SCAPER: variants seen among roughly 807,000 people sequenced by gnomAD.
The protein encoded by SCAPER is S-phase cyclin A associated protein in the ER.
A neutral mutation model predicts 182.2 loss-of-function variants in SCAPER; 98 were observed. The observed-to-expected ratio is 0.54, with a 90% CI of 0.46 to 0.64. The LOEUF is 0.64. Among genes scored for constraint, SCAPER ranks in the 30% least tolerant of loss-of-function variants. The probability of loss-of-function intolerance (pLI) is 0.00; values close to 1 mark genes in which losing one functional copy is unlikely to be tolerated. For synonymous variants in SCAPER, 605 were observed against 564.6 expected (o/e 1.07, Z -1.01); for missense variants, 1,432 against 1,690.0 (o/e 0.85, Z 2.68).
intron 2 of SCAPER, among the ~76,000 whole-genome samples, chr15:76,870,692 TAAAA>T (rs988778746): frequency 2.0e-5 from 3 of 150,472 alleles, no homozygotes; most frequent in Non-Finnish European, 4.4e-5. Flanking sequence ...AATGAAAACA[TAAAA>T]AAAATAGAAA....
At chr15:76,463,491 A>T (rs1424975189) in intron 25 of SCAPER, among the ~76,000 whole-genome samples, 1 of 152,144 alleles carries the variant, frequency 6.6e-6, no homozygotes, top group African/African-American at 2.4e-5. Flanking sequence ...ATTCAACAGT[A>T]TCATATCAAT....
chr15:76,499,626 C>T (rs1465889696), intron 24 of SCAPER, among the ~76,000 whole-genome samples: 1 of 152,160 alleles, frequency 6.6e-6, no homozygotes, highest in African/African-American at 2.4e-5. Flanking sequence ...GATGATGGTA[C>T]AGCAGACGGA....
At chr15:76,817,468 A>G (rs1034353256) in intron 5 of SCAPER, among the ~76,000 whole-genome samples, 12 of 152,176 alleles carry the variant, frequency 7.9e-5, no homozygotes, top group African/African-American at 2.9e-4. Context: ...ACTTCTAATT[A>G]CGTAGGATGA....
At chr15:76,894,877 G>A (rs2074345063) in intron 1 of SCAPER, among the ~76,000 whole-genome samples, 2 of 152,044 alleles carry the variant, frequency 1.3e-5, no homozygotes, top group Admixed American at 6.6e-5. Flanking sequence ...CAAGTAAGAA[G>A]ACTGATTTTT....
chr15:76,755,853 C>G (rs911017976), intron 14 of SCAPER, among the ~76,000 whole-genome samples: 4 of 152,152 alleles, frequency 2.6e-5, no homozygotes, highest in African/African-American at 9.7e-5. Context: ...AGTGAGGTTT[C>G]TGGCCCACAG....
chr15:76,813,274 A>G (rs966063115), intron 5 of SCAPER, among the ~76,000 whole-genome samples: 5 of 148,656 alleles, frequency 3.4e-5, no homozygotes, highest in African/African-American at 1.2e-4. Context: ...CAAAATAGGT[A>G]TAGAAGGAAA....
chr15:76,573,922 C>G (rs915131746), intron 23 of SCAPER, among the ~76,000 whole-genome samples: 11 of 150,972 alleles, frequency 7.3e-5, no homozygotes, highest in Non-Finnish European at 1.3e-4. Context: ...GTGAGGAAAA[C>G]ATGACTGAGG....
At chr15:76,855,905 C>G (rs1051043657) in intron 4 of SCAPER, 25 of 420,246 alleles carry the variant, frequency 5.9e-5, no homozygotes, top group Admixed American at 3.5e-4. Context: ...TTCAACCCAG[C>G]AATCCCATTA....
At chr15:76,481,489 C>T (rs113552766) in intron 24 of SCAPER, among the ~76,000 whole-genome samples, 5,592 of 152,172 alleles carry the variant, frequency 0.037, 145 homozygotes, top group Non-Finnish European at 0.054. Context: ...ACCTCATACA[C>T]GCTGCATATA....
chr15:76,475,166 T>C (rs1001557036), intron 24 of SCAPER, among the ~76,000 whole-genome samples: 5 of 152,224 alleles, frequency 3.3e-5, no homozygotes, highest in Non-Finnish European at 7.3e-5. Flanking sequence ...AAAGAAATAC[T>C]AAAATACTAT....
At position 76,666,721 on chromosome 15, in the gene SCAPER, G is replaced by A. The variant is rs117127675; in HGVS notation, c.2509-932C>T. ...CTCTCTCCTTAAATCTCCAATATCC[G>A]TCATCTCCTAACCCCATCTCTCAGT... On this transcript the variant is annotated intron_variant, in intron 20 of 31. Coordinates refer to ENST00000563290, the MANE Select transcript of SCAPER (RefSeq NM_020843.4). 9.1e-3 allele frequency among the ~76,000 whole-genome samples: 1,385 copies of A among 152,140 alleles called. 9 individuals carry two copies. The highest frequency in any genetic ancestry group is 0.016 in the Non-Finnish European group (1,054 of 67,992).
chr15:76,855,350 C>T (rs1053961294), intron 4 of SCAPER, among the ~76,000 whole-genome samples: 5 of 150,856 alleles, frequency 3.3e-5, no homozygotes, highest in South Asian at 2.1e-4. Flanking sequence ...ATACCATCCT[C>T]GACATAGGAA....
chr15:76,713,619 G>T (rs2059716712), intron 17 of SCAPER, among the ~76,000 whole-genome samples: 3 of 151,920 alleles, frequency 2.0e-5, no homozygotes, highest in South Asian at 4.2e-4. Context: ...TCACACTCTG[G>T]GGACTGTTGT....
chr15:76,765,656 A>C lies in SCAPER; in HGVS notation c.1420-18T>G. The C allele has an allele frequency of 6.4e-7, 1 of 1,553,354 alleles. No homozygotes were observed. Among genetic ancestry groups the C allele is most frequent in the East Asian group, 2.4e-5 (1 of 42,062 alleles). ...ATGCTGGCCTAAAATGTAATAAGGG[A>C]AGTTGAAAATCAAATCTTTGAACAC... On this transcript the variant is annotated intron_variant, in intron 11 of 31. Transcript: ENST00000563290.
intron 15 of SCAPER, among the ~76,000 whole-genome samples, chr15:76,742,061 G>A (rs988193373): frequency 2.0e-5 from 3 of 152,082 alleles, no homozygotes; most frequent in Admixed American, 2.0e-4. Flanking sequence ...TGGTTAGAGA[G>A]TAGAGAGAAA....
chr15:76,372,897 A>G (rs1382946465), intron 29 of SCAPER, among the ~76,000 whole-genome samples: 1 of 152,186 alleles, frequency 6.6e-6, no homozygotes, highest in Admixed American at 6.5e-5. Context: ...TCAGCCATGT[A>G]AAATTAGTCA....
chr15:76,895,183 T>C (rs1595941873), intron 1 of SCAPER, among the ~76,000 whole-genome samples: 1 of 152,178 alleles, frequency 6.6e-6, no homozygotes, highest in Admixed American at 6.5e-5. Flanking sequence ...TCATACACTA[T>C]GATCAGGTAG....
intron 23 of SCAPER, among the ~76,000 whole-genome samples, chr15:76,565,695 C>G (rs574715059): frequency 9.9e-5 from 15 of 152,258 alleles, no homozygotes; most frequent in Admixed American, 7.8e-4. Context: ...CTCCTTCTCT[C>G]AACACCTGCT....
intron 4 of SCAPER, among the ~76,000 whole-genome samples, chr15:76,854,097 T>C (rs1475858219): frequency 6.6e-6 from 1 of 151,956 alleles, no homozygotes; most frequent in Non-Finnish European, 1.5e-5. Flanking sequence ...GGTGAAACCT[T>C]GTCTTTACTA....
Sources: gnomAD v4.1 joint callset for allele counts (sites outside exome capture counted in the v4.1 genomes callset) on GRCh38, gnomAD v4.1.1 for gene constraint, MANE v1.5 for transcripts, NCBI Gene and HGNC (gene_info 2026-07-23, HGNC 2026-07-21) for gene names.